The following PLEKHG6 variants were observed in gnomAD, a reference collection of about 807,000 sequenced individuals.
PLEKHG6 encodes pleckstrin homology domain-containing family G member 6.
A neutral mutation model predicts 97.5 loss-of-function variants in PLEKHG6; 91 were observed. That is an observed-to-expected ratio of 0.93 (90% CI 0.79 to 1.11). The LOEUF (loss-of-function observed/expected upper bound fraction) is 1.11. Among genes scored for constraint, PLEKHG6 ranks in the 50% most tolerant of loss-of-function variants. PLEKHG6 has a pLI of 0.00. For synonymous variants in PLEKHG6, 466 were observed against 425.5 expected (o/e 1.10, Z -1.17); for missense variants, 1,044 against 1,031.0 (o/e 1.01, Z -0.17).
At chr12:6,312,430 G>T in intron 2 of PLEKHG6, 66 bp downstream of exon 2, 3 of 1,477,248 alleles carry the variant, frequency 2.0e-6, no homozygotes, top group Non-Finnish European at 2.7e-6. Flanking sequence ...AGGCTGTGGA[G>T]TCTCTGTCCC....
chr12:6,317,317 C>G lies in PLEKHG6; in HGVS notation c.771C>G (p.Phe257Leu). ...QSGFLTFGQR[F>L]HPYVQYCLRV... is the part of the protein sequence containing the mutation. ...TGTCTCTCCAGTTTGGCCAGCGGTT[C>G]CACCCCTATGTCCAGTACTGCCTCC... is the stretch of plus-strand genomic sequence containing the variant. Residue 257 changes from phenylalanine (F) to leucine (L), a missense_variant, in exon 8 of 16, where the codon TTC becomes TTG. Transcript: ENST00000684764. The G allele has an allele frequency of 6.2e-7, 1 of 1,613,386 alleles. No individual in the cohort carries two copies. The highest frequency in any genetic ancestry group is 8.5e-7 in the Non-Finnish European group (1 of 1,179,386).
chr12:6,314,126 C>G (rs1339762320), intron 3 of PLEKHG6, among the ~76,000 whole-genome samples: 1 of 152,156 alleles, frequency 6.6e-6, no homozygotes, highest in African/African-American at 2.4e-5. Context: ...CACTGTGAGC[C>G]TCACCTCTCC....
chr12:6,314,463 C>T (rs1338850144), intron 3 of PLEKHG6, among the ~76,000 whole-genome samples: 1 of 152,008 alleles, frequency 6.6e-6, no homozygotes, highest in South Asian at 2.1e-4. Context: ...GCCGAGATTG[C>T]GCCACTGCAC....
chr12:6,317,370 G>A lies in PLEKHG6; in HGVS notation c.824G>A (p.Arg275Gln), dbSNP rs112207839. ...GTGAAGCAGACCATGGCTTACGCCC[G>A]AGAACAGCAAGAAACTAACCCTCTC... ...LRVKQTMAYA[R>Q]EQQETNPLFH... is the part of the protein sequence containing the mutation. The change falls in exon 8 of 16, where the codon CGA (arginine) becomes CAA (glutamine). Residue 275 changes from arginine (R) to glutamine (Q), a missense_variant. Arg to Gln is a conservative substitution (Grantham distance 43). Transcript: ENST00000684764. The A allele has an allele frequency of 3.9e-4, 624 of 1,614,092 alleles. 3 individuals are homozygous for A. The African/African-American group carries it at 6.5e-3, about 17-fold the overall frequency.
At position 6,327,855 on chromosome 12, in the gene PLEKHG6, C is replaced by T. The variant is rs373498072; in HGVS notation, c.2272C>T (p.Arg758Trp). The change falls in exon 15 of 16, where the codon CGG becomes TGG. Residue 758 changes from arginine (R) to tryptophan (W), a missense_variant. By Grantham distance (101) the Arg-to-Trp change is moderately radical. Coordinates refer to ENST00000684764, the MANE Select transcript of PLEKHG6 (RefSeq NM_001384598.1). ...SQRIEGAEEP[R>W]DSRPRKLTRA... is the part of the protein sequence containing the mutation. ...AAGGATTGAGGGGGCCGAGGAGCCC[C>T]GGGACAGCAGGCCACGGAAGCTGAC... 25 of 1,503,964 alleles carry T rather than the reference C, an allele frequency of 1.7e-5. No homozygotes were observed. Among genetic ancestry groups the T allele is most frequent in the East Asian group, 4.6e-5 (2 of 43,356 alleles). The allele number at this position is 1,503,964 out of a possible 1,614,324, so 93.2% of individuals were successfully genotyped here. A position where few individuals can be genotyped will look rare whatever the true frequency, so the allele number is the denominator to read the frequency against.
chr12:6,318,675 C>T, intron 11 of PLEKHG6, 70 bp from the exon 12 acceptor site: 1 of 1,540,674 alleles, frequency 6.5e-7, no homozygotes, highest in Non-Finnish European at 9.0e-7. Context: ...ATGCCTGAGC[C>T]TCCTCCCGGA....
At chr12:6,313,287 C>A (rs920486645) in intron 2 of PLEKHG6, 1 of 1,147,176 alleles carries the variant, frequency 8.7e-7, no homozygotes, top group Non-Finnish European at 1.3e-6. Flanking sequence ...CCATGCACCC[C>A]CCATGGTACG....
chr12:6,328,018 A>G, intron 15 of PLEKHG6, 72 bp downstream of exon 15: 1 of 1,568,518 alleles, frequency 6.4e-7, no homozygotes, highest in Non-Finnish European at 8.7e-7. Context: ...GGTGTAGTAT[A>G]GAAAGAGGGC....
Position 6,315,986 on chromosome 12 carries a change from C to T in PLEKHG6, c.606+67C>T. The T allele has an allele frequency of 7.2e-7, 1 of 1,389,786 alleles. No homozygotes were observed. The highest frequency in any genetic ancestry group is 9.9e-7 in the Non-Finnish European group (1 of 1,012,538). 86.1% of individuals were successfully genotyped at this position (1,389,786 alleles called of 1,614,324 possible). ...TCTGAGCCTGGGGATGAGGGTGGGC[C>T]CTCCAGCCATCCCTGTCTGAATTCC... On this transcript the variant is annotated intron_variant, in intron 6 of 15. Transcript: ENST00000684764. This position sits in a 1 kb window ranked among gnomAD's most constrained non-coding sequence, Gnocchi z 4.5.
Position 6,327,467 on chromosome 12 carries a change from C to T in PLEKHG6, c.1884C>T (p.Asp628=). 6.2e-7 allele frequency: 1 copy of T among 1,612,402 alleles called. No homozygotes were observed. Residue 628 remains aspartate, a synonymous_variant, in exon 15 of 16, where the codon GAC becomes GAT. Transcript: ENST00000684764. ...RLTFSTLELR[D]IPLRPHPPDP... The stretch of plus-strand genomic sequence containing the variant: ...CCTTCTCCACCCTGGAACTCCGGGA[C>T]ATCCCTCTGCGTCCCCACCCTCCCG...
chr12:6,324,763 G>T (rs573369210), intron 13 of PLEKHG6, among the ~76,000 whole-genome samples: 6 of 152,232 alleles, frequency 3.9e-5, no homozygotes, highest in Admixed American at 3.9e-4. Flanking sequence ...CATCCATTTC[G>T]TCTCTTGTCC....
chr12:6,327,392 C>A lies in PLEKHG6; in HGVS notation c.1809C>A (p.Ser603=). Residue 603 remains serine (S), a synonymous_variant, in exon 15 of 16, where the codon TCC becomes TCA. Transcript: ENST00000684764. The part of the protein sequence containing the change: ...LIPGTPTGSR[S]PLSRLRQRAL... Reference sequence around the variant, plus strand: ...CAGGCACCCCCACGGGGTCCCGCTCCCCACTGAGCCGTCTACGCCAAAGAG... The same window carrying A: ...CAGGCACCCCCACGGGGTCCCGCTCACCACTGAGCCGTCTACGCCAAAGAG... 1.2e-6 allele frequency: 2 copies of A among 1,614,166 alleles called. No individual in the cohort carries two copies. Among genetic ancestry groups the A allele is most frequent in the Non-Finnish European group, 1.7e-6 (2 of 1,180,024 alleles).
rs745995755 is a variant in PLEKHG6 at position 6,313,722 on chromosome 12, G to A, written c.232G>A (p.Glu78Lys). Residue 78 changes from glutamate (E) to lysine (K), a missense_variant, in exon 3 of 16, where the codon GAG becomes AAG. Transcript: ENST00000684764. ...GLSPMRLRDP[E>K]PEKRHGGHVG... ...GTCACCCATGAGACTGCGAGATCCA[G>A]AGCCCGAGAAGAGGCACGGGGGCCA... The A allele has an allele frequency of 5.0e-6, 8 of 1,612,408 alleles. No individual in the cohort carries two copies. Among genetic ancestry groups the A allele is most frequent in the Non-Finnish European group, 6.8e-6 (8 of 1,179,318 alleles).
chr12:6,313,638 C>T lies in PLEKHG6; in HGVS notation c.148C>T (p.Arg50Cys), dbSNP rs767910202. Residue 50 changes from arginine (R) to cysteine (C), a missense_variant, in exon 3 of 16, where the codon CGC becomes TGC. Arg to Cys is a radical substitution (Grantham distance 180). Transcript: ENST00000684764. ...CCTGCTCCTCTCCCAGGATCCCAGT[C>T]GCCGACGCCTCCAGCAGTATGTCCC... ...PRGYPVLDPS[R>C]RRLQQYVPFA... 8.1e-6 allele frequency: 13 copies of T among 1,613,938 alleles called. No homozygotes were observed. The highest frequency in any genetic ancestry group is 2.7e-5 in the African/African-American group (2 of 74,928).
At chr12:6,324,086 G>T (rs892712815) in intron 13 of PLEKHG6, among the ~76,000 whole-genome samples, 2 of 151,980 alleles carry the variant, frequency 1.3e-5, no homozygotes, top group African/African-American at 2.4e-5. Context: ...AGTTTTGTAG[G>T]GGGGTCACAT....
chr12:6,317,151 CT>C, intron 7 of PLEKHG6, 151 bp from the exon 8 acceptor site: 1 of 615,056 alleles, frequency 1.6e-6, no homozygotes, highest in Non-Finnish European at 2.9e-6. Flanking sequence ...GAGAGCATTC[CT>C]GGGAGGATCC....
chr12:6,328,025 G>A, intron 15 of PLEKHG6, 79 bp downstream of exon 15: 1 of 1,573,824 alleles, frequency 6.4e-7, no homozygotes, highest in Non-Finnish European at 8.7e-7. Flanking sequence ...TATAGAAAGA[G>A]GGCAAAGCAG....
Position 6,317,192 on chromosome 12 carries a change from T to G in PLEKHG6, c.757-111T>G. On this transcript the variant is annotated intron_variant, in intron 7 of 15. Transcript: ENST00000684764. ...AGGGAGGGACTGTCAGGAGCTGGGC[T>G]AAGGGCCCCTGCGAGGCTCTCTTCA... The G allele has an allele frequency of 4.3e-6, 3 of 692,056 alleles. No homozygotes were observed. The South Asian group carries it at 5.0e-5, about 11-fold the overall frequency. The allele number at this position is 692,056 out of a possible 1,614,324, so 42.9% of individuals were successfully genotyped here.
At chr12:6,320,631 T>A (rs915962724) in intron 13 of PLEKHG6, among the ~76,000 whole-genome samples, 9 of 152,198 alleles carry the variant, frequency 5.9e-5, no homozygotes, top group African/African-American at 2.2e-4. Flanking sequence ...CAGGGAGAAC[T>A]CATCTTGAGC....
Sources: gnomAD v4.1 joint callset for allele counts (sites outside exome capture counted in the v4.1 genomes callset) on GRCh38, gnomAD v4.1.1 for gene constraint, Gnocchi (gnomAD v3.1) non-coding constraint, MANE v1.5 for transcripts, NCBI Gene and HGNC (gene_info 2026-07-23, HGNC 2026-07-21) for gene names.